DMD: variants seen among roughly 807,000 people sequenced by gnomAD.
DMD encodes dystrophin, also known as mutant dystrophin.
A neutral mutation model predicts 330.1 loss-of-function variants in DMD; 63 were observed. The ratio of observed to expected loss-of-function variants is 0.19; its 90% CI spans 0.16 to 0.24. The LOEUF is 0.24. Among genes scored for constraint, DMD ranks in the 10% least tolerant of loss-of-function variants. The pLI, the probability that DMD is intolerant of heterozygous loss-of-function variation, is 1.00. For missense variants in DMD, 3,344 were observed against 2,684.1 expected, an observed-to-expected ratio of 1.25 and a Z score of -5.43; for synonymous variants, 1,223 against 959.8, an observed-to-expected ratio of 1.27 and a Z score of -5.07.
chrX:33,215,155 G>A (rs891656510), upstream of DMD, among the ~76,000 whole-genome samples: 2 of 109,443 alleles, frequency 1.8e-5, no homozygotes, highest in Admixed American at 2.0e-4. Flanking sequence ...GGGCGACATG[G>A]TGAAACCCCA....
At chrX:32,950,544 G>A (rs1009681571) in intron 2 of DMD, among the ~76,000 whole-genome samples, 3 of 110,866 alleles carry the variant, frequency 2.7e-5, no homozygotes, top group Middle Eastern at 4.7e-3. Context: ...AGCACAATTC[G>A]GGAACACCAT....
chrX:31,148,016 A>T (rs773874072), intron 74 of DMD, among the ~76,000 whole-genome samples: 1 of 111,262 alleles, frequency 9.0e-6, no homozygotes, highest in East Asian at 2.8e-4. Flanking sequence ...TTTTCTTCAA[A>T]AGTTTTTTGA....
At chrX:32,529,583 G>T (rs984267731) in intron 17 of DMD, among the ~76,000 whole-genome samples, 1 of 107,549 alleles carries the variant, frequency 9.3e-6, no homozygotes, top group African/African-American at 3.4e-5. Context: ...GATTTTCTGG[G>T]TCTACAATAC....
At chrX:31,745,225 A>T (rs1371301974) in intron 51 of DMD, among the ~76,000 whole-genome samples, 1 of 111,462 alleles carries the variant, frequency 9.0e-6, no homozygotes, top group Non-Finnish European at 1.9e-5. Flanking sequence ...AGAAGTCAGA[A>T]TACAGCAGAG....
At chrX:32,537,478 T>C (rs2148914722) in intron 17 of DMD, among the ~76,000 whole-genome samples, 1 of 111,002 alleles carries the variant, frequency 9.0e-6, no homozygotes, top group Non-Finnish European at 1.9e-5. Context: ...GAGAACAATG[T>C]CCCAGAAACT....
intron 44 of DMD, among the ~76,000 whole-genome samples, chrX:32,161,432 C>G (rs773708605): frequency 1.8e-5 from 2 of 111,645 alleles, no homozygotes; most frequent in Non-Finnish European, 3.8e-5. Flanking sequence ...CAATACCCAC[C>G]AACTAGGGGA....
In DMD at chrX:31,147,283, G is replaced by A. The variant is rs1800281; in HGVS notation, c.10789C>T (p.Leu3597=). 6.5e-3 allele frequency: 7,874 copies of A among 1,208,653 alleles called. 24 individuals carry two copies. Among genetic ancestry groups the A allele is most frequent in the Non-Finnish European group, 7.7e-3 (6,902 of 894,549 alleles). The change falls in exon 75 of 79, where the codon CTG becomes TTG. Residue 3597 remains leucine, a synonymous_variant. Transcript: ENST00000357033. ...ESQLHRLRQL[L]EQPQAEAKVN... ...CCCATCTCTCTCCTCACTTGCTCCA[G>A]CAGCTGCCTTAGCCTGTGTAACTGT...
At chrX:31,799,767 T>C (rs1162196325) in intron 50 of DMD, among the ~76,000 whole-genome samples, 2 of 112,043 alleles carry the variant, frequency 1.8e-5, no homozygotes, top group Non-Finnish European at 3.8e-5. Flanking sequence ...CCAAAACAAG[T>C]TAGTTACTTC....
intron 44 of DMD, among the ~76,000 whole-genome samples, chrX:32,198,495 T>A (rs1228533075): frequency 1.8e-5 from 2 of 111,956 alleles, no homozygotes; most frequent in African/African-American, 6.5e-5. Flanking sequence ...ACTGATATGA[T>A]GTAAATGACT....
At position 31,481,384 on chromosome X, in the gene DMD, G is replaced by GT. The variant is rs1239134041; in HGVS notation, c.8548-2282dup. On this transcript the variant is annotated intron_variant, in intron 57 of 78. Coordinates refer to ENST00000357033, the MANE Select transcript of DMD (RefSeq NM_004006.3). ...GAATCAGAGAGATAATGAGGCAATTGTAAGAATTCAGTGCAAGATTATGAG... is the reference window on the plus strand; with the variant it reads ...GAATCAGAGAGATAATGAGGCAATTGTTAAGAATTCAGTGCAAGATTATGAG... 3.6e-5 allele frequency among the ~76,000 whole-genome samples: 4 copies of GT among 111,967 alleles called. No homozygotes were observed. The Admixed American group carries it at 3.8e-4, about 11-fold the overall frequency.
chrX:32,681,837 A>G (rs1405038993), intron 9 of DMD, among the ~76,000 whole-genome samples: 4 of 112,033 alleles, frequency 3.6e-5, no homozygotes, highest in Admixed American at 9.5e-5. Context: ...AGACAGAACA[A>G]TGGTAGTGGC....
At chrX:32,454,528 T>G in intron 26 of DMD, 134 bp downstream of exon 26, 1 of 507,343 alleles carries the variant, frequency 2.0e-6, no homozygotes, top group Non-Finnish European at 3.1e-6. Context: ...AAATTAAAAT[T>G]ATTAATTAAA....
intron 12 of DMD, among the ~76,000 whole-genome samples, chrX:32,599,379 G>A: frequency 9.0e-6 from 1 of 111,275 alleles, no homozygotes; most frequent in East Asian, 2.8e-4. Flanking sequence ...TGATCATTGG[G>A]GTAAAGAATG....
At chrX:32,735,872 T>C (rs766482564) in intron 7 of DMD, among the ~76,000 whole-genome samples, 11 of 111,713 alleles carry the variant, frequency 9.8e-5, no homozygotes, top group African/African-American at 3.3e-4. Flanking sequence ...ACTTCATGTC[T>C]AAAACACCAA....
chrX:31,760,097 G>T (rs1229447489), intron 51 of DMD, among the ~76,000 whole-genome samples: 1 of 111,722 alleles, frequency 9.0e-6, no homozygotes, highest in Non-Finnish European at 1.9e-5. Flanking sequence ...AGATTGCTAG[G>T]ATAGGCAACG....
chrX:32,307,542 C>T (rs1427801266), intron 42 of DMD, among the ~76,000 whole-genome samples: 6 of 111,609 alleles, frequency 5.4e-5, no homozygotes, highest in African/African-American at 2.0e-4. Flanking sequence ...ATATGGGTGA[C>T]ATCCCAAGAG....
intron 1 of DMD, among the ~76,000 whole-genome samples, chrX:33,112,193 G>T (rs371213467): frequency 9.0e-6 from 1 of 110,537 alleles, no homozygotes; most frequent in Non-Finnish European, 1.9e-5. Context: ...ACAGTATATT[G>T]TTATAATTGT....
chrX:32,248,660 T>A (rs949945113), intron 43 of DMD, among the ~76,000 whole-genome samples: 1 of 110,301 alleles, frequency 9.1e-6, no homozygotes, highest in African/African-American at 3.3e-5. Flanking sequence ...TAATTTTAAC[T>A]CCTTGGTTCT....
chrX:32,607,132 A>C (rs808520), intron 12 of DMD, among the ~76,000 whole-genome samples: 1 of 108,872 alleles, frequency 9.2e-6, no homozygotes, highest in Non-Finnish European at 1.9e-5. Flanking sequence ...CACCCCCTCA[A>C]TCTATTTTAA....
Sources: gnomAD v4.1 joint callset for allele counts (sites outside exome capture counted in the v4.1 genomes callset) on GRCh38, gnomAD v4.1.1 for gene constraint, MANE v1.5 for transcripts, NCBI Gene and HGNC (gene_info 2026-07-23, HGNC 2026-07-21) for gene names.